Variants in NUP133 observed in about 807,000 individuals in gnomAD.
NUP133 encodes the protein nuclear pore complex protein Nup133.
Under a neutral mutation model 146.2 loss-of-function variants are expected in NUP133, and 66 were observed. The observed-to-expected ratio is 0.45, with a 90% CI of 0.37 to 0.55. The LOEUF is 0.55. Ranked by LOEUF, NUP133 falls within the 20% of genes least tolerant of loss-of-function variation. The pLI is 0.00. For missense variants in NUP133, 1,277 were observed against 1,374.8 expected (o/e 0.93, Z 1.12); for synonymous variants, 521 against 498.8 (o/e 1.04, Z -0.59).
In NUP133 at chr1:229,442,359, T is replaced by C. The variant is rs181179307; in HGVS notation, c.3335-319A>G. ...ACAAGTATTTCAAACACTTATATGA[T>C]CCCCTATTTAGGGAATAATTTAGTA... On this transcript the variant is annotated intron_variant, in intron 25 of 25. Transcript: ENST00000261396. 2.9e-3 allele frequency among the ~76,000 whole-genome samples: 447 copies of C among 152,334 alleles called. 4 individuals carry two copies. Among genetic ancestry groups the C allele is most frequent in the Non-Finnish European group, 3.4e-3 (232 of 68,036 alleles).
At chr1:229,445,027 G>T in intron 24 of NUP133, 25 bp from the exon 25 acceptor site, 1 of 1,495,466 alleles carries the variant, frequency 6.7e-7, no homozygotes, top group Non-Finnish European at 9.3e-7. Context: ...CATTATGAGG[G>T]AAAAATGAAA....
At chr1:229,442,750 G>A (rs1188468938) in intron 25 of NUP133, among the ~76,000 whole-genome samples, 4 of 138,654 alleles carry the variant, frequency 2.9e-5, no homozygotes. Context: ...GTCTCACTCT[G>A]CTGGCCAGGC....
intron 21 of NUP133, among the ~76,000 whole-genome samples, chr1:229,453,621 T>C (rs1198857595): frequency 1.3e-5 from 2 of 152,242 alleles, no homozygotes; most frequent in Admixed American, 1.3e-4. Flanking sequence ...ATCACTTTAA[T>C]TGGGGTTTTA....
At position 229,465,963 on chromosome 1, in the gene NUP133, T is replaced by C. The variant is rs1660806096; in HGVS notation, c.2200-444A>G. On this transcript the variant is annotated intron_variant, in intron 16 of 25. Coordinates refer to ENST00000261396, the MANE Select transcript of NUP133 (RefSeq NM_018230.3). The stretch of plus-strand genomic sequence containing the variant: ...TCAGCACAGATCTGCATGATTACTT[T>C]TTGGTTCTTTCTGCTTTTGAAATTT... 2.6e-5 allele frequency among the ~76,000 whole-genome samples: 4 copies of C among 151,958 alleles called. No homozygotes were observed. The South Asian group carries it at 8.3e-4, about 32-fold the overall frequency.
Position 229,441,766 on chromosome 1 carries a change from A to AGTAACTATTTTATATTAGT in NUP133, c.*137_*138insACTAATATAAAATAGTTAC, listed in dbSNP as rs887917463. On this transcript the variant is annotated 3_prime_UTR_variant, in exon 26 of 26. Transcript: ENST00000261396. ...CACAGTTACATAACTATTTTATATT[A>AGTAACTATTTTATATTAGT]GCTTCCTACATATAAAGTATAAAAA... 1 of 688,748 alleles carries AGTAACTATTTTATATTAGT rather than the reference A, an allele frequency of 1.5e-6. No homozygotes were observed. Among genetic ancestry groups the AGTAACTATTTTATATTAGT allele is most frequent in the Non-Finnish European group, 2.3e-6 (1 of 425,806 alleles). The allele number at this position is 688,748 out of a possible 1,614,324, so 42.7% of individuals were successfully genotyped here.
At position 229,464,749 on chromosome 1, in the gene NUP133, A is replaced by C. The variant is rs528368389; in HGVS notation, c.2426T>G (p.Ile809Ser). 1 of 1,614,192 alleles carries C rather than the reference A, an allele frequency of 6.2e-7. No homozygotes were observed. The highest frequency in any genetic ancestry group is 1.3e-5 in the African/African-American group (1 of 75,036). The stretch of plus-strand genomic sequence containing the variant: ...AACATAACCATCCAGGAAGCAATCG[A>C]TCAGGGCTACCAGCTGCTCGGTCAC... ...NIVTEQLVAL[I>S]DCFLDGYVSQ... is the part of the protein sequence containing the mutation. The change falls in exon 18 of 26, where the codon ATC becomes AGC. Residue 809 changes from isoleucine (I) to serine (S), a missense_variant. Around this residue, in one of 3 missense-constraint regions of NUP133, gnomAD observed 952 missense variants for 1,047.0 expected, o/e 0.91. Transcript: ENST00000261396.
At chr1:229,494,100 A>T (rs2102780395) in intron 8 of NUP133, among the ~76,000 whole-genome samples, 1 of 152,290 alleles carries the variant, frequency 6.6e-6, no homozygotes, top group East Asian at 1.9e-4. Flanking sequence ...ATTGTACTCC[A>T]GCCTGGGTGA....
intron 14 of NUP133, among the ~76,000 whole-genome samples, chr1:229,474,597 TTAAG>T (rs906629178): frequency 1.8e-4 from 27 of 152,090 alleles, no homozygotes; most frequent in African/African-American, 6.5e-4. Context: ...CAGTGGCTAT[TTAAG>T]TAAGTTAAAA....
chr1:229,472,947 C>A (rs1269770875), intron 14 of NUP133, among the ~76,000 whole-genome samples: 1 of 151,790 alleles, frequency 6.6e-6, no homozygotes, highest in Non-Finnish European at 1.5e-5. Context: ...GAATATTTCT[C>A]TGTATTCAGA....
At chr1:229,447,575 T>A (rs1037602699) in intron 24 of NUP133, among the ~76,000 whole-genome samples, 3 of 152,102 alleles carry the variant, frequency 2.0e-5, no homozygotes, top group Non-Finnish European at 4.4e-5. Flanking sequence ...TTGGGACTTT[T>A]CAGCCCTGTT....
intron 19 of NUP133, among the ~76,000 whole-genome samples, chr1:229,463,250 G>A (rs914533611): frequency 6.6e-6 from 1 of 152,100 alleles, no homozygotes; most frequent in Admixed American, 6.6e-5. Flanking sequence ...AATTAGCCAG[G>A]CATGGTGGCG....
At chr1:229,454,604 G>A (rs750684482) in intron 21 of NUP133, among the ~76,000 whole-genome samples, 1 of 152,072 alleles carries the variant, frequency 6.6e-6, no homozygotes, top group African/African-American at 2.4e-5. Context: ...TATCCCCTCC[G>A]ATTAGACACA....
At chr1:229,461,531 C>T (rs150353928) in intron 19 of NUP133, among the ~76,000 whole-genome samples, 1,662 of 152,248 alleles carry the variant, frequency 0.011, 91 homozygotes, top group Admixed American at 0.077. Flanking sequence ...TCTAAATTGC[C>T]TAACAGAGAA....
chr1:229,448,522 C>T (rs1451086484), intron 24 of NUP133, among the ~76,000 whole-genome samples: 1 of 152,200 alleles, frequency 6.6e-6, no homozygotes, highest in Non-Finnish European at 1.5e-5. Flanking sequence ...ATGAATAATG[C>T]ACCCCTTGTT....
chr1:229,506,195 T>A, intron 1 of NUP133, 37 bp from the exon 2 acceptor site: 1 of 1,208,060 alleles, frequency 8.3e-7, no homozygotes, highest in Non-Finnish European at 1.2e-6. Flanking sequence ...ACTTGTAACT[T>A]AAAATTCTCC....
intron 2 of NUP133, among the ~76,000 whole-genome samples, chr1:229,502,792 T>C: frequency 7.2e-6 from 1 of 139,214 alleles, no homozygotes. Flanking sequence ...TGAGACTCTC[T>C]CTCTTAAAAA....
chr1:229,454,743 TTTGA>T (rs1255726456), intron 21 of NUP133, among the ~76,000 whole-genome samples: 1 of 152,224 alleles, frequency 6.6e-6, no homozygotes, highest in Non-Finnish European at 1.5e-5. Context: ...GTTAAAATGC[TTTGA>T]TTAACATGAT....
At chr1:229,450,874 C>T (rs1417790797) in intron 22 of NUP133, 2 of 176,820 alleles carry the variant, frequency 1.1e-5, no homozygotes, top group Admixed American at 1.3e-4. Flanking sequence ...TACAGGAATC[C>T]ATCACCACAC....
At position 229,464,257 on chromosome 1, in the gene NUP133, G is replaced by A. The variant is rs534822535; in HGVS notation, c.2551+367C>T. On this transcript the variant is annotated intron_variant, in intron 18 of 25. Transcript: ENST00000261396. ...AAACTCTTCCCAGTCCTAGCCTGGA[G>A]TATAATGTGTCCTTTGCCAAACAGC... Among the ~76,000 whole-genome samples the A allele has an allele frequency of 9.8e-5, 15 of 152,286 alleles. No homozygotes were observed. The South Asian group carries it at 3.1e-3, about 32-fold the overall frequency.
Sources: allele counts gnomAD v4.1 joint callset (sites outside exome capture counted in the v4.1 genomes callset), GRCh38; gene constraint gnomAD v4.1.1; regional missense constraint gnomAD v4.1.1; transcripts MANE v1.5; gene names NCBI Gene and HGNC (gene_info 2026-07-23, HGNC 2026-07-21).